PAK6: variants seen among roughly 807,000 people sequenced by gnomAD.
The protein encoded by PAK6 is p21 (RAC1) activated kinase 6.
A neutral mutation model predicts 60.8 loss-of-function variants in PAK6; 33 were observed. That is an observed-to-expected ratio of 0.54 (90% CI 0.41 to 0.73). The LOEUF (loss-of-function observed/expected upper bound fraction) is 0.73. Ranked by LOEUF, PAK6 falls within the 30% of genes least tolerant of loss-of-function variation. PAK6 has a pLI of 0.00. For synonymous variants in PAK6, 404 were observed against 378.5 expected (o/e 1.07, Z -0.78); for missense variants, 845 against 904.1 (o/e 0.93, Z 0.84).
exon 11 of PAK6, chr15:40,276,813 A>G (rs1282782139): frequency 6.8e-6 from 1 of 146,878 alleles, no homozygotes; most frequent in Non-Finnish European, 1.5e-5. Flanking sequence ...CCACCTTGAC[A>G]GCCCAGGTCC....
At chr15:40,243,026 G>C (rs796558883) in intron 2 of PAK6, among the ~76,000 whole-genome samples, 1 of 152,166 alleles carries the variant, frequency 6.6e-6, no homozygotes, top group Non-Finnish European at 1.5e-5. Context: ...AGAAACAAGC[G>C]GAGCCACAAA....
chr15:40,274,290 C>T lies in PAK6; in HGVS notation c.1878+14C>T. 1 of 1,589,634 alleles carries T rather than the reference C, an allele frequency of 6.3e-7. No homozygotes were observed. The highest frequency in any genetic ancestry group is 8.6e-7 in the Non-Finnish European group (1 of 1,167,874). Reference sequence around the variant, plus strand: ...AACTCTCACAAGGTCAGTTGGCACACAAGGGTGCGACCTCGCAGACCCCAT... The same window carrying T: ...AACTCTCACAAGGTCAGTTGGCACATAAGGGTGCGACCTCGCAGACCCCAT... On this transcript the variant is annotated intron_variant, in intron 10 of 10. Transcript: ENST00000560346.
chr15:40,264,726 G>A, intron 3 of PAK6, 55 bp from the exon 4 acceptor site: 3 of 1,529,656 alleles, frequency 2.0e-6, no homozygotes, highest in Non-Finnish European at 2.7e-6. Flanking sequence ...CCCAGGCCCT[G>A]CTGCAGCCAC....
At chr15:40,266,209 G>T in exon 5 of PAK6, 1 of 1,609,556 alleles carries the variant, frequency 6.2e-7, no homozygotes, top group Non-Finnish European at 8.5e-7. Flanking sequence ...GCCTCGCAGC[G>T]CTGTCTGCAG....
intron 7 of PAK6, 86 bp downstream of exon 7, chr15:40,273,085 CAGA>C: frequency 6.5e-7 from 1 of 1,536,950 alleles, no homozygotes; most frequent in Non-Finnish European, 8.8e-7. Context: ...GCCTGTGGCC[CAGA>C]AGACTTGGGA....
chr15:40,258,328 G>A (rs561942819), intron 3 of PAK6, among the ~76,000 whole-genome samples: 11 of 152,310 alleles, frequency 7.2e-5, no homozygotes, highest in African/African-American at 9.6e-5. Flanking sequence ...GACTCAGTCC[G>A]GGGTAAGCAT....
At chr15:40,261,452 A>C (rs1466271292) in intron 3 of PAK6, among the ~76,000 whole-genome samples, 1 of 151,970 alleles carries the variant, frequency 6.6e-6, no homozygotes, top group African/African-American at 2.4e-5. Flanking sequence ...CAGGAGAATC[A>C]CTTGAACCCG....
Position 40,252,789 on chromosome 15 carries a change from C to G in PAK6, c.-117-389C>G, listed in dbSNP as rs760956499. ...GGTGCCCATGCCCCGAAGTTCGGGA[C>G]CAGCCGGCGCCAGGCGAGGGGCCTT... On this transcript the variant is annotated intron_variant, in intron 2 of 10. Transcript: ENST00000560346. The G allele has an allele frequency of 5.4e-6, 7 of 1,299,146 alleles. No homozygotes were observed. In the East Asian group the frequency reaches 3.3e-4, roughly 62 times the overall value. 80.5% of individuals were successfully genotyped at this position (1,299,146 alleles called of 1,614,324 possible).
At chr15:40,247,627 G>A (rs913074657) in intron 2 of PAK6, among the ~76,000 whole-genome samples, 3 of 152,202 alleles carry the variant, frequency 2.0e-5, no homozygotes, top group Non-Finnish European at 4.4e-5. Flanking sequence ...GGGAAAGGCA[G>A]GCAGAGAGAG....
intron 4 of PAK6, 137 bp downstream of exon 4, chr15:40,265,126 CTGT>C: frequency 1.2e-6 from 1 of 805,888 alleles, no homozygotes; most frequent in Middle Eastern, 3.7e-4. Flanking sequence ...AACTCCCTGC[CTGT>C]CAGCCTGCCA....
chr15:40,272,637 C>T (rs2039339581), exon 6 of PAK6: 3 of 1,609,430 alleles, frequency 1.9e-6, no homozygotes, highest in East Asian at 2.2e-5. Context: ...TCTGCTTGGC[C>T]CGGGAGAAGC....
chr15:40,252,111 C>T, intron 2 of PAK6: 1 of 383,758 alleles, frequency 2.6e-6, no homozygotes, highest in South Asian at 2.3e-5. Context: ...GTCTTGGGGC[C>T]CTGTCCACAT....
At chr15:40,242,042 G>C (rs900565105) in intron 2 of PAK6, among the ~76,000 whole-genome samples, 4 of 151,728 alleles carry the variant, frequency 2.6e-5, no homozygotes, top group Non-Finnish European at 5.9e-5. Context: ...GGGTCAGAGG[G>C]GCGGAGGCTG....
chr15:40,265,325 G>A (rs1416790312), intron 4 of PAK6, among the ~76,000 whole-genome samples: 1 of 152,212 alleles, frequency 6.6e-6, no homozygotes, highest in East Asian at 1.9e-4. Context: ...TAGGGACTGA[G>A]GGCTCTCCCA....
At chr15:40,273,056 C>T in intron 7 of PAK6, 57 bp downstream of exon 7, 1 of 1,593,024 alleles carries the variant, frequency 6.3e-7, no homozygotes, top group Non-Finnish European at 8.6e-7. Flanking sequence ...ATGGCCCTGC[C>T]AGGGCAATGT....
chr15:40,256,328 G>T (rs1447434230), intron 3 of PAK6, among the ~76,000 whole-genome samples: 2 of 152,180 alleles, frequency 1.3e-5, no homozygotes, highest in Admixed American at 1.3e-4. Flanking sequence ...TTCTGTTCGC[G>T]GTAATTCTCA....
intron 2 of PAK6, among the ~76,000 whole-genome samples, chr15:40,243,344 C>G (rs185235842): frequency 6.6e-6 from 1 of 152,136 alleles, no homozygotes; most frequent in Non-Finnish European, 1.5e-5. Flanking sequence ...GCCTCAGGCC[C>G]GGTGCTGCCT....
At chr15:40,273,079 G>C in intron 7 of PAK6, 80 bp downstream of exon 7, 1 of 1,550,548 alleles carries the variant, frequency 6.4e-7, no homozygotes, top group Non-Finnish European at 8.8e-7. Context: ...TCTTCTGCCT[G>C]TGGCCCAGAA....
At chr15:40,269,625 C>G (rs1329799714) in intron 5 of PAK6, among the ~76,000 whole-genome samples, 1 of 152,228 alleles carries the variant, frequency 6.6e-6, no homozygotes, top group Non-Finnish European at 1.5e-5. Context: ...TAAAAGCTCC[C>G]TCCCTGTGGA....
Sources: gnomAD v4.1 joint callset for allele counts (sites outside exome capture counted in the v4.1 genomes callset) on GRCh38, gnomAD v4.1.1 for gene constraint, MANE v1.5 for transcripts, NCBI Gene and HGNC (gene_info 2026-07-23, HGNC 2026-07-21) for gene names.